JAK2: variants seen among roughly 807,000 people sequenced by gnomAD.
The protein encoded by JAK2 is Janus kinase 2, also known as tyrosine-protein kinase JAK2.
Under a neutral mutation model 139.3 loss-of-function variants are expected in JAK2, and 86 were observed. That is an observed-to-expected ratio of 0.62 (90% CI 0.52 to 0.74). JAK2 has a LOEUF of 0.74. JAK2 is among the 30% of genes least tolerant of loss of function. JAK2 has a pLI of 0.00. For synonymous variants in JAK2, 490 were observed against 437.7 expected, an observed-to-expected ratio of 1.12 and a Z score of -1.49; for missense variants, 1,421 against 1,360.3, an observed-to-expected ratio of 1.04 and a Z score of -0.70.
In JAK2 at chr9:5,129,396, C is replaced by A. The variant is rs977955095; in HGVS notation, c.*2605C>A. On this transcript the variant is annotated 3_prime_UTR_variant, in exon 25 of 25. Transcript: ENST00000381652. Reference sequence around the variant, plus strand: ...TCCAGTTTTTAAGAAATGCTTCCTACAACTGCTGTCAACCACTGTATTGTC... The same window carrying A: ...TCCAGTTTTTAAGAAATGCTTCCTAAAACTGCTGTCAACCACTGTATTGTC... 6.6e-6 allele frequency among the ~76,000 whole-genome samples: 1 copy of A among 152,080 alleles called. No individual in the cohort carries two copies. The highest frequency in any genetic ancestry group is 1.5e-5 in the Non-Finnish European group (1 of 67,952).
chr9:5,035,623 C>T (rs932567773), intron 4 of JAK2, among the ~76,000 whole-genome samples: 2 of 152,060 alleles, frequency 1.3e-5, no homozygotes, highest in African/African-American at 2.4e-5. Flanking sequence ...ACAGAACTAA[C>T]GGCAAAAACC....
intron 24 of JAK2, 30 bp from the exon 25 acceptor site, chr9:5,126,654 T>C (rs1824018286): frequency 2.0e-6 from 3 of 1,488,340 alleles, no homozygotes; most frequent in African/African-American, 1.4e-5. Context: ...TTAGTGTTCA[T>C]TTAATTTTGG....
chr9:5,072,494 T>G lies in JAK2; in HGVS notation c.1644T>G (p.Asn548Lys), dbSNP rs746150275. The G allele has an allele frequency of 6.4e-7, 1 of 1,558,026 alleles. No homozygotes were observed. ...TCTTTTACCTTTTTCTCTTGAAGAA[T>G]GAAAGCCTTGGCCAAGGCACTTTTA... ...HKIRNEDLIF[N>K]ESLGQGTFTK... The change falls in exon 13 of 25, where the codon AAT becomes AAG. Residue 548 changes from asparagine (N) to lysine (K), a missense_variant and splice_region_variant. Physicochemically the swap from Asn to Lys is moderately conservative, Grantham distance 94. Coordinates refer to ENST00000381652, the MANE Select transcript of JAK2 (RefSeq NM_004972.4).
At chr9:5,043,174 C>A (rs921558940) in intron 4 of JAK2, among the ~76,000 whole-genome samples, 2 of 152,224 alleles carry the variant, frequency 1.3e-5, no homozygotes, top group Admixed American at 1.3e-4. Flanking sequence ...CCTGGACTGG[C>A]TGGCGGACTC....
intron 15 of JAK2, among the ~76,000 whole-genome samples, chr9:5,077,998 T>A (rs541988897): frequency 3.9e-4 from 59 of 152,172 alleles, no homozygotes; most frequent in Non-Finnish European, 6.9e-4. Context: ...GCTGCAGAAC[T>A]GAAGTAGTAT....
At chr9:5,116,701 A>T (rs556174049) in intron 22 of JAK2, among the ~76,000 whole-genome samples, 1 of 152,222 alleles carries the variant, frequency 6.6e-6, no homozygotes, top group Non-Finnish European at 1.5e-5. Context: ...GGATATGAAG[A>T]TAGGCTTAGC....
At position 4,994,712 on chromosome 9, in the gene JAK2, A is replaced by G. The variant is rs1428452228; in HGVS notation, c.-26+8690A>G. On this transcript the variant is annotated intron_variant, in intron 2 of 24. Transcript: ENST00000381652. ...ATTTACATAACAGGCAGCTGGCTAA[A>G]TTTGGTATGTGTGAACTGTGCTCTG... Among the ~76,000 whole-genome samples, 3 of 152,162 alleles carry G rather than the reference A, an allele frequency of 2.0e-5. No homozygotes were observed. In the East Asian group the frequency reaches 5.8e-4, roughly 29 times the overall value.
intron 4 of JAK2, among the ~76,000 whole-genome samples, chr9:5,034,202 A>G (rs930384304): frequency 2.0e-5 from 3 of 152,232 alleles, no homozygotes; most frequent in African/African-American, 7.2e-5. Flanking sequence ...TGTCCTAAAT[A>G]TATATGCACC....
Position 5,081,671 on chromosome 9 carries a change from G to T in JAK2, c.2435-54G>T, listed in dbSNP as rs1186084204. ...GTCAACTTGAATGTATATCAGTTTA[G>T]TCCAGAGAATGTTATTTGCTAATTT... is the stretch of plus-strand genomic sequence containing the variant. On this transcript the variant is annotated intron_variant, in intron 18 of 24. Coordinates refer to ENST00000381652, the MANE Select transcript of JAK2 (RefSeq NM_004972.4). 2.3e-6 allele frequency: 3 copies of T among 1,325,494 alleles called. No individual in the cohort carries two copies. The African/African-American group carries it at 4.4e-5, about 19-fold the overall frequency. 82.1% of individuals were successfully genotyped at this position (1,325,494 alleles called of 1,614,324 possible).
At chr9:4,986,606 T>G (rs1819962472) in intron 2 of JAK2, among the ~76,000 whole-genome samples, 1 of 152,198 alleles carries the variant, frequency 6.6e-6, no homozygotes, top group Non-Finnish European at 1.5e-5. Context: ...ATAATAAGTT[T>G]GTACAGTGAG....
intron 22 of JAK2, chr9:5,098,377 A>G (rs895607316): frequency 6.6e-6 from 1 of 152,200 alleles, no homozygotes; most frequent in Non-Finnish European, 1.5e-5. Context: ...TCAAGACGCT[A>G]CATCCCCTAT....
chr9:5,104,770 A>G (rs969009746), intron 22 of JAK2, among the ~76,000 whole-genome samples: 12 of 152,218 alleles, frequency 7.9e-5, no homozygotes, highest in Non-Finnish European at 1.8e-4. Flanking sequence ...AAATCAATAA[A>G]CGTAATCCAT....
At position 5,015,665 on chromosome 9, in the gene JAK2, G is replaced by A. The variant is rs16922523; in HGVS notation, c.-25-6298G>A. ...AAGTGATCCTATTGTTTTCTTTCTC[G>A]TCATGTACTTCCAGGAAAAGAAAAA... is the stretch of plus-strand genomic sequence containing the variant. On this transcript the variant is annotated intron_variant, in intron 2 of 24. Transcript: ENST00000381652. Among the ~76,000 whole-genome samples the A allele has an allele frequency of 8.3e-3, 1,252 of 151,192 alleles. 13 individuals are homozygous for A. Among genetic ancestry groups the A allele is most frequent in the African/African-American group, 0.029 (1,190 of 41,206 alleles).
chr9:5,111,476 G>A (rs1455997695), intron 22 of JAK2: 2 of 384,378 alleles, frequency 5.2e-6, no homozygotes, highest in Non-Finnish European at 1.0e-5. Flanking sequence ...GCCCAGCTCA[G>A]GTGAGGAGTA....
At chr9:5,003,343 C>T (rs761850331) in intron 2 of JAK2, among the ~76,000 whole-genome samples, 8 of 152,000 alleles carry the variant, frequency 5.3e-5, no homozygotes, top group Middle Eastern at 3.4e-3. Flanking sequence ...TTTCTGTATT[C>T]TTATATCAGC....
Position 5,124,685 on chromosome 9 carries a change from G to A in JAK2, c.3177+1564G>A, listed in dbSNP as rs548946302. The stretch of plus-strand genomic sequence containing the variant: ...TTATAAGGCTACAGTAACCAAAGCA[G>A]CATGGTACTCATATAAAAAACAAAC... On this transcript the variant is annotated intron_variant, in intron 23 of 24. Coordinates refer to ENST00000381652, the MANE Select transcript of JAK2 (RefSeq NM_004972.4). 1.9e-4 allele frequency among the ~76,000 whole-genome samples: 29 copies of A among 151,856 alleles called. No homozygotes were observed. In the East Asian group the frequency reaches 5.0e-3, roughly 26 times the overall value.
intron 2 of JAK2, among the ~76,000 whole-genome samples, chr9:5,002,067 T>C (rs971278542): frequency 6.6e-6 from 1 of 151,992 alleles, no homozygotes; most frequent in Admixed American, 6.5e-5. Context: ...TGTGTTCTTT[T>C]CTGTTTGTAA....
chr9:5,035,057 C>CA (rs1823474216), intron 4 of JAK2, among the ~76,000 whole-genome samples: 1 of 152,050 alleles, frequency 6.6e-6, no homozygotes, highest in Non-Finnish European at 1.5e-5. Context: ...GGGATATCAA[C>CA]CCGATCCCAC....
At chr9:4,997,302 A>T (rs750983824) in intron 2 of JAK2, among the ~76,000 whole-genome samples, 83 of 152,216 alleles carry the variant, frequency 5.5e-4, no homozygotes, top group Admixed American at 3.4e-3. Context: ...AAAGAGATTT[A>T]ATTGGCTCAT....
Sources: allele counts gnomAD v4.1 joint callset (sites outside exome capture counted in the v4.1 genomes callset), GRCh38; gene constraint gnomAD v4.1.1; transcripts MANE v1.5; gene names NCBI Gene and HGNC (gene_info 2026-07-23, HGNC 2026-07-21).